The following RBFOX1 variants were observed in gnomAD, a reference collection of about 807,000 sequenced individuals.
The protein encoded by RBFOX1 is RNA binding protein fox-1 homolog 1.
Under a neutral mutation model 57.7 loss-of-function variants are expected in RBFOX1, and 8 were observed. That is an observed-to-expected ratio of 0.14 (90% CI 0.08 to 0.25). The LOEUF (loss-of-function observed/expected upper bound fraction) is 0.25, where lower values mean the gene tolerates loss of function less well. RBFOX1 is among the 10% of genes least tolerant of loss of function. RBFOX1 has a pLI of 1.00. For synonymous variants in RBFOX1, 326 were observed against 222.4 expected, an observed-to-expected ratio of 1.47 and a Z score of -4.15; for missense variants, 611 against 548.5, an observed-to-expected ratio of 1.11 and a Z score of -1.14.
At chr16:5,895,989 C>T (rs1053240653) in intron 4 of RBFOX1, among the ~76,000 whole-genome samples, 5 of 152,080 alleles carry the variant, frequency 3.3e-5, no homozygotes, top group South Asian at 2.1e-4. Context: ...GGAGGAAGTA[C>T]GACAAACTTG....
chr16:6,597,511 A>G (rs1339411030), intron 2 of RBFOX1, among the ~76,000 whole-genome samples: 3 of 152,030 alleles, frequency 2.0e-5, no homozygotes, highest in Non-Finnish European at 2.9e-5. Context: ...GTCTCTACTA[A>G]AAATATAAAA....
chr16:7,184,402 C>A (rs1204201807), intron 4 of RBFOX1, among the ~76,000 whole-genome samples: 1 of 152,204 alleles, frequency 6.6e-6, no homozygotes, highest in East Asian at 1.9e-4. Flanking sequence ...CTAGGGGATA[C>A]ATGATGGTGG....
intron 1 of RBFOX1, among the ~76,000 whole-genome samples, chr16:5,422,547 G>A (rs2067371516): frequency 1.3e-5 from 1 of 78,944 alleles, no homozygotes. Context: ...GAGGGGGGCA[G>A]GGAGGGGGAA....
intron 3 of RBFOX1, among the ~76,000 whole-genome samples, chr16:5,852,427 G>C (rs1467955529): frequency 1.3e-5 from 2 of 152,218 alleles, no homozygotes; most frequent in African/African-American, 4.8e-5. Flanking sequence ...GGGAGGCTCT[G>C]AATGTGGATA....
chr16:6,579,916 C>G (rs556238038), intron 2 of RBFOX1, among the ~76,000 whole-genome samples: 2 of 152,130 alleles, frequency 1.3e-5, no homozygotes, highest in South Asian at 2.1e-4. Context: ...TATACATATT[C>G]TATGTATAGG....
upstream of RBFOX1, among the ~76,000 whole-genome samples, chr16:6,015,685 C>T (rs72771002): frequency 6.6e-6 from 1 of 152,174 alleles, no homozygotes; most frequent in African/African-American, 2.4e-5. Flanking sequence ...TATTCTCCTT[C>T]GGGAATATCC....
intron 3 of RBFOX1, among the ~76,000 whole-genome samples, chr16:6,957,114 A>ATTTT (rs376343559): frequency 1.0e-3 from 80 of 79,708 alleles, no homozygotes; most frequent in Non-Finnish European, 1.4e-3. Context: ...TTTTATTTTT[A>ATTTT]TTTTTATTTA....
chr16:5,782,283 G>A (rs2054348201), intron 3 of RBFOX1, among the ~76,000 whole-genome samples: 1 of 152,196 alleles, frequency 6.6e-6, no homozygotes. Flanking sequence ...GGTATCTGAT[G>A]AGGTCCCAGT....
At chr16:6,183,085 C>A (rs2097077297) in intron 1 of RBFOX1, among the ~76,000 whole-genome samples, 1 of 152,062 alleles carries the variant, frequency 6.6e-6, no homozygotes, top group South Asian at 2.1e-4. Flanking sequence ...GAAGAAAAAT[C>A]TTTCTCTCAG....
chr16:7,267,392 C>G (rs1321449971), intron 4 of RBFOX1, among the ~76,000 whole-genome samples: 1 of 147,070 alleles, frequency 6.8e-6, no homozygotes, highest in African/African-American at 2.5e-5. Context: ...AAAAATTAGT[C>G]AGATGTGGTG....
chr16:6,561,900 C>A (rs1261125668), intron 2 of RBFOX1, among the ~76,000 whole-genome samples: 2 of 152,134 alleles, frequency 1.3e-5, no homozygotes, highest in Non-Finnish European at 2.9e-5. Context: ...CAGCACTTTG[C>A]CTAATGAGTA....
At chr16:5,942,452 C>T (rs2059302042) in intron 4 of RBFOX1, among the ~76,000 whole-genome samples, 1 of 152,164 alleles carries the variant, frequency 6.6e-6, no homozygotes, top group Admixed American at 6.5e-5. Context: ...AAAGATATCT[C>T]ATTCGACCAA....
chr16:6,677,677 C>T (rs7204892), intron 3 of RBFOX1, among the ~76,000 whole-genome samples: 39,769 of 152,064 alleles, frequency 0.26, 5,473 homozygotes, highest in East Asian at 0.37. Flanking sequence ...CAAAGTTGGA[C>T]GGCTGTATCC....
intron 2 of RBFOX1, among the ~76,000 whole-genome samples, chr16:5,503,363 G>C (rs1007339139): frequency 6.6e-6 from 1 of 152,166 alleles, no homozygotes; most frequent in Admixed American, 6.5e-5. Flanking sequence ...TTTTGGAATA[G>C]GTTTACTGAG....
chr16:5,262,475 C>T (rs1187147503), intron 1 of RBFOX1, among the ~76,000 whole-genome samples: 1 of 152,216 alleles, frequency 6.6e-6, no homozygotes, highest in Non-Finnish European at 1.5e-5. Context: ...GGACATCAAT[C>T]TTCTCCTGAG....
chr16:6,704,227 C>T (rs974282810), intron 3 of RBFOX1: 1 of 152,224 alleles, frequency 6.6e-6, no homozygotes, highest in African/African-American at 2.4e-5. Flanking sequence ...CTAACTTTCA[C>T]GCAGCTAGTA....
At chr16:7,087,691 C>A (rs2060201756) in intron 4 of RBFOX1, among the ~76,000 whole-genome samples, 1 of 151,952 alleles carries the variant, frequency 6.6e-6, no homozygotes, top group South Asian at 2.1e-4. Context: ...ACAAGCACAC[C>A]AAATCTTGTG....
intron 2 of RBFOX1, among the ~76,000 whole-genome samples, chr16:6,469,671 G>A (rs975539473): frequency 2.6e-5 from 4 of 152,110 alleles, no homozygotes; most frequent in Non-Finnish European, 5.9e-5. Flanking sequence ...TCCTCCTCCT[G>A]TTTTCTTACC....
At position 6,655,243 on chromosome 16, in the gene RBFOX1, A is replaced by AGG. The variant is rs1343671397; in HGVS notation, c.-16+593_-16+594insGG. ...AGAAAAATTAGCCGGGTGTGGTGGC[A>AGG]CATGCCTGTAATCCCAGCTACTTGG... On this transcript the variant is annotated intron_variant, in intron 3 of 15. Coordinates refer to ENST00000550418, the MANE Select transcript of RBFOX1 (RefSeq NM_018723.4). Among the ~76,000 whole-genome samples, 62 of 151,492 alleles carry AGG rather than the reference A, an allele frequency of 4.1e-4. 1 individual carries two copies. Among genetic ancestry groups the AGG allele is most frequent in the Middle Eastern group, 6.8e-3 (2 of 294 alleles).
Sources: allele counts gnomAD v4.1 joint callset (sites outside exome capture counted in the v4.1 genomes callset), GRCh38; gene constraint gnomAD v4.1.1; transcripts MANE v1.5; gene names NCBI Gene and HGNC (gene_info 2026-07-23, HGNC 2026-07-21).